SHISA9: variants seen among roughly 807,000 people sequenced by gnomAD.
SHISA9 encodes the protein shisa family member 9.
SHISA9 carries 13 observed loss-of-function variants against 38.0 expected under a neutral mutation model. The observed-to-expected ratio is 0.34, with a 90% CI of 0.22 to 0.54. The LOEUF is 0.54. Ranked by LOEUF, SHISA9 falls within the 20% of genes least tolerant of loss-of-function variation. SHISA9 has a pLI of 0.91. For synonymous variants in SHISA9, 275 were observed against 242.0 expected (o/e 1.14, Z -1.27); for missense variants, 538 against 575.8 (o/e 0.93, Z 0.67).
the SHISA9 span, among the ~76,000 whole-genome samples, chr16:13,515,040 C>T: frequency 0.13 from 20,406 of 151,904 alleles, 1,714 homozygotes; most frequent in African/African-American, 0.24. Flanking sequence ...AGTGGAGTAG[C>T]TTTTTTAAAG....
chr16:13,261,965 A>G, the SHISA9 span, among the ~76,000 whole-genome samples: 1 of 152,358 alleles, frequency 6.6e-6, no homozygotes, highest in South Asian at 2.1e-4. Flanking sequence ...TGTATCCTGC[A>G]GGTGTGTCAC....
chr16:13,151,895 C>G (rs1039224992), intron 2 of SHISA9, among the ~76,000 whole-genome samples: 2 of 152,140 alleles, frequency 1.3e-5, no homozygotes, highest in Non-Finnish European at 2.9e-5. Flanking sequence ...TCCAGGGAGT[C>G]AGACTTTTTA....
At chr16:13,063,954 G>C (rs1211299602) in intron 2 of SHISA9, among the ~76,000 whole-genome samples, 1 of 152,210 alleles carries the variant, frequency 6.6e-6, no homozygotes, top group Non-Finnish European at 1.5e-5. Context: ...CCCTACCAAG[G>C]AGATAATTTT....
chr16:13,180,759 CTG>C (rs1178682718), intron 2 of SHISA9, among the ~76,000 whole-genome samples: 3 of 152,120 alleles, frequency 2.0e-5, no homozygotes, highest in Non-Finnish European at 4.4e-5. Context: ...AAATGAGAGA[CTG>C]AGCCATCCTT....
chr16:13,192,075 A>G (rs1414543885), intron 2 of SHISA9, among the ~76,000 whole-genome samples: 1 of 152,222 alleles, frequency 6.6e-6, no homozygotes, highest in East Asian at 1.9e-4. Flanking sequence ...CCTTTGCAGC[A>G]ACATGGATGG....
chr16:13,312,909 G>T, the SHISA9 span, among the ~76,000 whole-genome samples: 1 of 152,134 alleles, frequency 6.6e-6, no homozygotes, highest in Non-Finnish European at 1.5e-5. Context: ...GCTAACAGAA[G>T]TTGAGAAGTG....
chr16:13,432,737 A>T, the SHISA9 span, among the ~76,000 whole-genome samples: 18 of 152,202 alleles, frequency 1.2e-4, no homozygotes, highest in Non-Finnish European at 1.5e-5. Context: ...TGCAGCCATA[A>T]AAAAGAATAA....
At chr16:13,542,944 A>C in the SHISA9 span, among the ~76,000 whole-genome samples, 1 of 152,218 alleles carries the variant, frequency 6.6e-6, no homozygotes, top group Non-Finnish European at 1.5e-5. Flanking sequence ...GGGTTTACAC[A>C]CTACCAGCTT....
At chr16:13,301,526 G>A in the SHISA9 span, among the ~76,000 whole-genome samples, 1 of 152,218 alleles carries the variant, frequency 6.6e-6, no homozygotes, top group African/African-American at 2.4e-5. Context: ...TGATGCACAG[G>A]TGAAGATTTT....
At chr16:12,933,842 A>G (rs1237373303) in intron 2 of SHISA9, among the ~76,000 whole-genome samples, 3 of 152,152 alleles carry the variant, frequency 2.0e-5, no homozygotes, top group African/African-American at 7.2e-5. Flanking sequence ...TGACCACGGG[A>G]GCCTATGTTA....
intron 3 of SHISA9, among the ~76,000 whole-genome samples, chr16:13,205,141 C>A (rs2051051994): frequency 6.6e-6 from 1 of 152,120 alleles, no homozygotes; most frequent in Non-Finnish European, 1.5e-5. Context: ...CCCAGGTCCA[C>A]CCTGGAGATT....
At chr16:13,321,545 A>G in the SHISA9 span, among the ~76,000 whole-genome samples, 2 of 152,240 alleles carry the variant, frequency 1.3e-5, no homozygotes, top group Non-Finnish European at 2.9e-5. Flanking sequence ...CCATTAATCC[A>G]TCAGATTAGT....
At chr16:13,020,973 TG>T (rs1298854274) in intron 2 of SHISA9, among the ~76,000 whole-genome samples, 2 of 152,326 alleles carry the variant, frequency 1.3e-5, no homozygotes, top group East Asian at 3.9e-4. Context: ...TGATTGGTGC[TG>T]GGGCAAGATG....
intron 2 of SHISA9, among the ~76,000 whole-genome samples, chr16:13,153,529 T>C (rs961716951): frequency 6.6e-6 from 1 of 152,170 alleles, no homozygotes; most frequent in African/African-American, 2.4e-5. Context: ...GAGAACCTTG[T>C]GGTGGAACTC....
chr16:13,503,915 G>C, the SHISA9 span, among the ~76,000 whole-genome samples: 50 of 152,294 alleles, frequency 3.3e-4, no homozygotes, highest in Non-Finnish European at 3.7e-4. Flanking sequence ...AACAGGAAAG[G>C]TAAGTTAGAA....
chr16:13,320,966 G>C, the SHISA9 span, among the ~76,000 whole-genome samples: 2,861 of 152,266 alleles, frequency 0.019, 74 homozygotes, highest in African/African-American at 0.065. Flanking sequence ...CCTTGTGTCT[G>C]CCAACTTGGT....
chr16:12,902,690 C>T (rs2071035575), intron 1 of SHISA9, 63 bp downstream of exon 1: 3 of 1,431,642 alleles, frequency 2.1e-6, no homozygotes, highest in Non-Finnish European at 2.8e-6. Flanking sequence ...TCCTCCCCAC[C>T]TTCCCCCAGG....
rs2071686062 is a variant in SHISA9 at position 12,946,157 on chromosome 16, G to C, written c.691+29342G>C. On this transcript the variant is annotated intron_variant, in intron 2 of 4. Coordinates refer to ENST00000558583, the MANE Select transcript of SHISA9 (RefSeq NM_001145204.3). ...TCAAAGACCAGATGGTTGTAGATGTGTGGTGTTATTTCTGAGGTCTCTGTT... is the reference window on the plus strand; with the variant it reads ...TCAAAGACCAGATGGTTGTAGATGTCTGGTGTTATTTCTGAGGTCTCTGTT... 2.0e-5 allele frequency among the ~76,000 whole-genome samples: 3 copies of C among 152,166 alleles called. No homozygotes were observed. The South Asian group carries it at 6.2e-4, about 32-fold the overall frequency.
the SHISA9 span, among the ~76,000 whole-genome samples, chr16:13,458,082 C>A: frequency 6.6e-6 from 1 of 151,984 alleles, no homozygotes; most frequent in Non-Finnish European, 1.5e-5. Flanking sequence ...GTGGATGAAC[C>A]TATATTGAGC....
Sources: gnomAD v4.1 joint callset for allele counts (sites outside exome capture counted in the v4.1 genomes callset) on GRCh38, gnomAD v4.1.1 for gene constraint, MANE v1.5 for transcripts, NCBI Gene and HGNC (gene_info 2026-07-23, HGNC 2026-07-21) for gene names.